HHIPL1: variants seen among roughly 807,000 people sequenced by gnomAD.
HHIPL1 encodes the protein HHIP-like protein 1.
HHIPL1 carries 43 observed loss-of-function variants against 61.8 expected under a neutral mutation model. The ratio of observed to expected loss-of-function variants is 0.70; its 90% confidence interval spans 0.55 to 0.90. HHIPL1 has a LOEUF of 0.90. HHIPL1 is among the 40% of genes least tolerant of loss of function. The probability of loss-of-function intolerance (pLI) is 0.00; values close to 1 mark genes in which losing one functional copy is unlikely to be tolerated. For missense variants in HHIPL1, 1,056 were observed against 1,157.7 expected (o/e 0.91, Z 1.28); for synonymous variants, 482 against 515.8 (o/e 0.93, Z 0.89).
At chr14:99,632,131 C>T in the HHIPL1 span, among the ~76,000 whole-genome samples, 1 of 152,180 alleles carries the variant, frequency 6.6e-6, no homozygotes, top group Admixed American at 6.5e-5. Flanking sequence ...CTCTGTCATC[C>T]GTCTGCAACT....
chr14:99,662,782 G>A lies in HHIPL1; in HGVS notation c.1503-94G>A, dbSNP rs980972100. 80 of 1,184,350 alleles carry A rather than the reference G, an allele frequency of 6.8e-5. No homozygotes were observed. The Middle Eastern group carries it at 1.2e-3, about 18-fold the overall frequency. 73.4% of individuals were successfully genotyped at this position (1,184,350 alleles called of 1,614,324 possible). ...GGAGGGAAGAAGGGAGGGAGGAATG[G>A]ATACATGGATGGATGGATGGATGGA... On this transcript the variant is annotated intron_variant, in intron 5 of 8. Coordinates refer to ENST00000330710, the MANE Select transcript of HHIPL1 (RefSeq NM_001127258.3).
Position 99,668,870 on chromosome 14 carries a change from C to T in HHIPL1, c.1730+567C>T. 6.2e-7 allele frequency: 1 copy of T among 1,614,134 alleles called. No homozygotes were observed. The highest frequency in any genetic ancestry group is 1.1e-5 in the South Asian group (1 of 91,088). ...AGCGCCATGCCCGGCTATGTCCCAG[C>T]TCCTTCCGTGTGCAGCTCATTGACG... is the stretch of plus-strand genomic sequence containing the variant. On this transcript the variant is annotated intron_variant, in intron 7 of 8. Coordinates refer to ENST00000330710, the MANE Select transcript of HHIPL1 (RefSeq NM_001127258.3). This position sits in a 1 kb window ranked among gnomAD's most constrained non-coding sequence, Gnocchi z 4.7.
chr14:99,636,005 C>T, the HHIPL1 span, among the ~76,000 whole-genome samples: 1 of 152,140 alleles, frequency 6.6e-6, no homozygotes, highest in African/African-American at 2.4e-5. Context: ...CTTCCACTGC[C>T]ACCAACTCCA....
At chr14:99,674,497 G>A (rs184692009) in intron 8 of HHIPL1, among the ~76,000 whole-genome samples, 100 of 152,182 alleles carry the variant, frequency 6.6e-4, no homozygotes, top group African/African-American at 2.3e-3. Context: ...GTGACAACCC[G>A]CTGGTGCCAA....
intron 3 of HHIPL1, among the ~76,000 whole-genome samples, chr14:99,657,680 T>C (rs1454438828): frequency 6.6e-6 from 1 of 151,724 alleles, no homozygotes; most frequent in Non-Finnish European, 1.5e-5. Context: ...CTCATTCCAT[T>C]ACACACACAC....
At chr14:99,674,080 G>C (rs2056358727) in intron 8 of HHIPL1, among the ~76,000 whole-genome samples, 1 of 151,912 alleles carries the variant, frequency 6.6e-6, no homozygotes, top group African/African-American at 2.4e-5. Flanking sequence ...ATGTCATGGT[G>C]CTCTGGGCCC....
chr14:99,623,327 T>C, the HHIPL1 span, among the ~76,000 whole-genome samples: 1 of 152,206 alleles, frequency 6.6e-6, no homozygotes, highest in Admixed American at 6.5e-5. Flanking sequence ...CGGAAATCAC[T>C]CTCCATTAGC....
chr14:99,637,252 GAAAGAAAGAAAGAA>G, the HHIPL1 span, among the ~76,000 whole-genome samples: 2 of 144,940 alleles, frequency 1.4e-5, no homozygotes, highest in South Asian at 4.4e-4. Context: ...AAGAAAGAAA[GAAAGAAAGAAAGAA>G]AAAGTGTGGC....
At chr14:99,611,208 C>A in the HHIPL1 span, among the ~76,000 whole-genome samples, 1 of 152,146 alleles carries the variant, frequency 6.6e-6, no homozygotes, top group African/African-American at 2.4e-5. Context: ...TGGCTGACTG[C>A]AGCCTTAACC....
intron 1 of HHIPL1, among the ~76,000 whole-genome samples, chr14:99,649,981 C>A (rs1298797486): frequency 1.3e-5 from 2 of 152,202 alleles, no homozygotes; most frequent in African/African-American, 4.8e-5. Context: ...CTGGCCTGCT[C>A]ACTGGCAGAG....
chr14:99,606,865 C>T, the HHIPL1 span, among the ~76,000 whole-genome samples: 1 of 151,964 alleles, frequency 6.6e-6, no homozygotes, highest in Non-Finnish European at 1.5e-5. Context: ...TGAGAGGGCC[C>T]AGGGCTGAAA....
the HHIPL1 span, among the ~76,000 whole-genome samples, chr14:99,619,582 C>A: frequency 6.6e-6 from 1 of 152,028 alleles, no homozygotes; most frequent in Non-Finnish European, 1.5e-5. Context: ...GCCCAGGGTC[C>A]CCTACCTAGA....
At chr14:99,667,175 A>T (rs570681600) in intron 6 of HHIPL1, among the ~76,000 whole-genome samples, 14 of 152,258 alleles carry the variant, frequency 9.2e-5, no homozygotes, top group South Asian at 2.1e-4. Context: ...AGGATGAGCC[A>T]TGTGTGCCTT....
At chr14:99,610,508 C>T in the HHIPL1 span, among the ~76,000 whole-genome samples, 29 of 152,064 alleles carry the variant, frequency 1.9e-4, no homozygotes, top group Admixed American at 7.9e-4. Context: ...ACCTGTAATC[C>T]CAGCACTTTG....
chr14:99,654,202 A>G lies in HHIPL1; in HGVS notation c.902+1332A>G, dbSNP rs534419998. Among the ~76,000 whole-genome samples the G allele has an allele frequency of 1.1e-4, 16 of 151,222 alleles. No homozygotes were observed. In the East Asian group the frequency reaches 1.2e-3, roughly 11 times the overall value. ...AGACTCTGTCTCAAAAAAAAAAAAA[A>G]AAAAAAGAAAAAAGAAAAAAGGCAA... On this transcript the variant is annotated intron_variant, in intron 2 of 8. Transcript: ENST00000330710.
rs2056279823 is a variant in HHIPL1, at chr14:99,668,291, T to C, written c.1718T>C (p.Ile573Thr). 1.9e-6 allele frequency: 3 copies of C among 1,608,884 alleles called. No homozygotes were observed. The highest frequency in any genetic ancestry group is 1.7e-6 in the Non-Finnish European group (2 of 1,175,382). The change falls in exon 7 of 9, where the codon ATT becomes ACT. Residue 573 changes from isoleucine to threonine, a missense_variant. By Grantham distance (89) the Ile-to-Thr change is moderately conservative. Transcript: ENST00000330710. This position sits in a 1 kb window ranked among gnomAD's most constrained non-coding sequence, Gnocchi z 4.7. Reference sequence around the variant, plus strand: ...CCACGCGGAGTTGTCTACAAAATAATTGACGCATCCAGGTGAGTCCCAGCC... The same window carrying C: ...CCACGCGGAGTTGTCTACAAAATAACTGACGCATCCAGGTGAGTCCCAGCC... Reference protein sequence around the residue: ...TAPRGVVYKIIDASRRAPPGK... With the variant: ...TAPRGVVYKITDASRRAPPGK...
chr14:99,633,494 G>A, the HHIPL1 span, among the ~76,000 whole-genome samples: 1 of 152,206 alleles, frequency 6.6e-6, no homozygotes, highest in Non-Finnish European at 1.5e-5. Context: ...CTTGAGACCT[G>A]CAGAGTTGGG....
the HHIPL1 span, chr14:99,604,696 C>G: frequency 6.6e-6 from 1 of 151,996 alleles, no homozygotes; most frequent in Admixed American, 6.5e-5. Context: ...AGCAGTCGAG[C>G]CCCCTCCCCG....
Position 99,660,244 on chromosome 14 carries a change from T to C in HHIPL1, c.1376-36T>C, listed in dbSNP as rs1384691695. ...CCTGGCTGATGAACCTTCCCGCCGC[T>C]GGCTCACCGAAGCTTCTCTCCCTCC... On this transcript the variant is annotated intron_variant, in intron 4 of 8. Transcript: ENST00000330710. This position sits in a 1 kb window ranked among gnomAD's most constrained non-coding sequence, Gnocchi z 4.9. 1.2e-6 allele frequency: 2 copies of C among 1,611,644 alleles called. No homozygotes were observed. The highest frequency in any genetic ancestry group is 1.3e-5 in the African/African-American group (1 of 74,806).
Sources: allele counts gnomAD v4.1 joint callset (sites outside exome capture counted in the v4.1 genomes callset), GRCh38; gene constraint gnomAD v4.1.1; non-coding constraint Gnocchi (gnomAD v3.1); transcripts MANE v1.5; gene names NCBI Gene and HGNC (gene_info 2026-07-23, HGNC 2026-07-21).